SND1: variants seen among roughly 807,000 people sequenced by gnomAD.
SND1 encodes staphylococcal nuclease domain-containing protein 1.
SND1 carries 38 observed loss-of-function variants against 121.7 expected under a neutral mutation model. The ratio of observed to expected loss-of-function variants is 0.31; its 90% confidence interval spans 0.24 to 0.41. SND1 has a LOEUF of 0.41. Ranked by LOEUF, SND1 falls within the 10% of genes least tolerant of loss-of-function variation. The pLI is 1.00. For missense variants in SND1, 868 were observed against 1,184.6 expected, an observed-to-expected ratio of 0.73 and a Z score of 3.92; for synonymous variants, 401 against 447.4, an observed-to-expected ratio of 0.90 and a Z score of 1.31.
intron 4 of SND1, 69 bp from the exon 5 acceptor site, chr7:127,701,094 T>A: frequency 6.5e-7 from 1 of 1,548,994 alleles, no homozygotes; most frequent in South Asian, 1.2e-5. Context: ...GAAGAAAACC[T>A]ATATCAGAGA....
chr7:127,910,091 A>T (rs2116776757), intron 14 of SND1, among the ~76,000 whole-genome samples: 1 of 152,228 alleles, frequency 6.6e-6, no homozygotes, highest in African/African-American at 2.4e-5. Flanking sequence ...CTTTATTAAT[A>T]TTTAGGCCTT....
Position 127,971,085 on chromosome 7 carries a change from TC to T in SND1, c.1670-19861del, listed in dbSNP as rs762820363. ...TCAGATTTATTCATTCTTTCAACAA[TC>T]TTTAATGAGCTTCTTCCCAGCCCCA... On this transcript the variant is annotated intron_variant, in intron 15 of 23. Coordinates refer to ENST00000354725, the MANE Select transcript of SND1 (RefSeq NM_014390.4). Among the ~76,000 whole-genome samples, 30 of 152,332 alleles carry T rather than the reference TC, an allele frequency of 2.0e-4. No homozygotes were observed. In the Middle Eastern group the frequency reaches 0.01, roughly 52 times the overall value.
chr7:127,729,795 A>G (rs1796642977), intron 10 of SND1, among the ~76,000 whole-genome samples: 1 of 152,192 alleles, frequency 6.6e-6, no homozygotes, highest in Admixed American at 6.5e-5. Flanking sequence ...CTGTTCTAGA[A>G]AAAAGCTTTT....
chr7:127,891,698 T>A (rs1346766189), intron 13 of SND1, among the ~76,000 whole-genome samples: 2 of 152,106 alleles, frequency 1.3e-5, no homozygotes, highest in African/African-American at 4.8e-5. Flanking sequence ...GGGCCCTGAA[T>A]AAAACCCCTA....
In SND1 at chr7:128,028,901, G is replaced by A. The variant is rs773282663; in HGVS notation, c.1779+37845G>A. 12 of 1,613,282 alleles carry A rather than the reference G, an allele frequency of 7.4e-6. No individual in the cohort carries two copies. In the Admixed American group the frequency reaches 8.3e-5, roughly 11 times the overall value. ...CGGACGGAGCTGCTGTTGCTGCTGC[G>A]GATGTTGCTGCTGGGATGTCTTCGT... On this transcript the variant is annotated intron_variant, in intron 16 of 23. Transcript: ENST00000354725.
chr7:128,032,100 G>C (rs1005527856), intron 16 of SND1: 13 of 152,082 alleles, frequency 8.5e-5, no homozygotes, highest in African/African-American at 3.1e-4. Context: ...CAGTCAGAAC[G>C]TGAATGTACT....
Position 127,807,539 on chromosome 7 carries a change from G to A in SND1, c.1208G>A (p.Arg403Gln), listed in dbSNP as rs772776563. ...GACATTCCTTACATGTTTGAGGCCC[G>A]GGAATTTCTTCGAAAAAAGCTTATT... ...LYDIPYMFEA[R>Q]EFLRKKLIGK... Residue 403 changes from arginine to glutamine, a missense_variant, in exon 11 of 24, where the codon CGG (arginine) becomes CAG (glutamine). Arg to Gln is a conservative substitution (Grantham distance 43). Transcript: ENST00000354725. 4.3e-6 allele frequency: 7 copies of A among 1,613,814 alleles called. No homozygotes were observed. The highest frequency in any genetic ancestry group is 4.0e-5 in the African/African-American group (3 of 74,888).
intron 10 of SND1, among the ~76,000 whole-genome samples, chr7:127,767,168 CAT>C (rs1401393718): frequency 6.6e-6 from 1 of 152,154 alleles, no homozygotes; most frequent in Non-Finnish European, 1.5e-5. Context: ...ATCTTTGGGA[CAT>C]TTTATATGTA....
rs143932385 is a variant in SND1, at chr7:128,087,067, TC to T, written c.2418+18del. On this transcript the variant is annotated intron_variant, in intron 21 of 23. Coordinates refer to ENST00000354725, the MANE Select transcript of SND1 (RefSeq NM_014390.4). ...GCCCCAAGATGTGAGTCTGGAGTCT[TC>T]CTCCTTCCAAAGGGGACTATCCACT... 1.9e-3 allele frequency: 3,040 copies of T among 1,598,120 alleles called. 40 individuals carry two copies. The African/African-American group carries it at 0.03, about 16-fold the overall frequency.
chr7:127,953,924 A>G (rs1470759031), intron 15 of SND1, among the ~76,000 whole-genome samples: 3 of 152,192 alleles, frequency 2.0e-5, no homozygotes, highest in Non-Finnish European at 4.4e-5. Context: ...GTAGCTACTT[A>G]TTTTTTAATT....
At chr7:127,907,807 AC>A in intron 14 of SND1, among the ~76,000 whole-genome samples, 1 of 152,106 alleles carries the variant, frequency 6.6e-6, no homozygotes, top group Non-Finnish European at 1.5e-5. Flanking sequence ...TTGAGTTTCT[AC>A]TCCTTTTCCA....
intron 17 of SND1, among the ~76,000 whole-genome samples, chr7:128,074,935 T>C (rs1793482061): frequency 6.6e-6 from 1 of 152,176 alleles, no homozygotes; most frequent in South Asian, 2.1e-4. Flanking sequence ...ATGTCATCAG[T>C]GATCCCAGGC....
intron 16 of SND1, among the ~76,000 whole-genome samples, chr7:128,039,094 C>G (rs569303538): frequency 6.6e-6 from 1 of 152,274 alleles, no homozygotes; most frequent in Admixed American, 6.5e-5. Context: ...ATTTCTTTTC[C>G]TGGAATACTC....
intron 11 of SND1, among the ~76,000 whole-genome samples, chr7:127,817,721 CTTTTTTTTTTT>C (rs72233818): frequency 0.02 from 2,107 of 104,092 alleles, 44 homozygotes; most frequent in South Asian, 0.07. Flanking sequence ...TTCCTTCATA[CTTTTTTTTTTT>C]TTTTTTTTTT....
chr7:128,057,658 A>G (rs1245574450), intron 16 of SND1, among the ~76,000 whole-genome samples: 11 of 152,206 alleles, frequency 7.2e-5, no homozygotes, highest in Admixed American at 7.2e-4. Flanking sequence ...AAGTCCCACC[A>G]AGAAATTTCT....
chr7:127,906,805 GTC>G (rs1443341460), intron 14 of SND1, among the ~76,000 whole-genome samples: 4 of 152,122 alleles, frequency 2.6e-5, no homozygotes, highest in African/African-American at 9.7e-5. Context: ...CTTTATTGCT[GTC>G]TCTGAATCTT....
At chr7:128,037,970 A>G (rs1367769314) in intron 16 of SND1, among the ~76,000 whole-genome samples, 3 of 152,206 alleles carry the variant, frequency 2.0e-5, no homozygotes, top group African/African-American at 7.2e-5. Context: ...ATTTGGCTCC[A>G]CTGTATCTAA....
intron 16 of SND1, among the ~76,000 whole-genome samples, chr7:128,048,272 T>C (rs1172507254): frequency 1.3e-5 from 2 of 151,960 alleles, no homozygotes; most frequent in African/African-American, 4.8e-5. Context: ...TTTCTTTTTT[T>C]TTTTTTTTTC....
At chr7:127,948,070 T>C (rs1203463651) in intron 15 of SND1, among the ~76,000 whole-genome samples, 1 of 152,174 alleles carries the variant, frequency 6.6e-6, no homozygotes, top group Non-Finnish European at 1.5e-5. Flanking sequence ...GGGAATAAAA[T>C]AGGCGAAACA....
Sources: allele counts gnomAD v4.1 joint callset (sites outside exome capture counted in the v4.1 genomes callset), GRCh38; gene constraint gnomAD v4.1.1; transcripts MANE v1.5; gene names NCBI Gene and HGNC (gene_info 2026-07-23, HGNC 2026-07-21).